Variants in IMMP2L observed in about 807,000 individuals in gnomAD.
IMMP2L encodes the protein mitochondrial inner membrane protease subunit 2.
IMMP2L carries 18 observed loss-of-function variants against 19.3 expected under a neutral mutation model. That is an observed-to-expected ratio of 0.93 (90% confidence interval 0.64 to 1.38). IMMP2L has a LOEUF of 1.38. IMMP2L is among the 40% of genes most tolerant of loss of function. The pLI, the probability that IMMP2L is intolerant of heterozygous loss-of-function variation, is 0.00. For synonymous variants in IMMP2L, 76 were observed against 73.0 expected (o/e 1.04, Z -0.21); for missense variants, 233 against 218.2 (o/e 1.07, Z -0.43).
intron 5 of IMMP2L, among the ~76,000 whole-genome samples, chr7:110,834,676 G>A (rs887987322): frequency 2.0e-4 from 30 of 152,240 alleles, no homozygotes; most frequent in African/African-American, 6.7e-4. Flanking sequence ...CTCTTGAGTT[G>A]CAAACAGTTT....
intron 3 of IMMP2L, among the ~76,000 whole-genome samples, chr7:111,255,642 G>T (rs1816615492): frequency 6.6e-6 from 1 of 151,942 alleles, no homozygotes; most frequent in Non-Finnish European, 1.5e-5. Context: ...TACAGAAGAG[G>T]AAAATGAAGT....
At chr7:111,095,658 C>A (rs887534692) in intron 3 of IMMP2L, among the ~76,000 whole-genome samples, 3 of 151,972 alleles carry the variant, frequency 2.0e-5, no homozygotes, top group Non-Finnish European at 4.4e-5. Flanking sequence ...ATACTGCTAT[C>A]CTTCACCTAC....
At chr7:111,301,446 C>G (rs749303682) in intron 3 of IMMP2L, among the ~76,000 whole-genome samples, 1 of 151,542 alleles carries the variant, frequency 6.6e-6, no homozygotes, top group Non-Finnish European at 1.5e-5. Flanking sequence ...TAACAAGAGT[C>G]TTACACAGAA....
intron 3 of IMMP2L, among the ~76,000 whole-genome samples, chr7:110,994,955 T>G (rs867062176): frequency 1.3e-5 from 2 of 152,114 alleles, no homozygotes; most frequent in African/African-American, 4.8e-5. Flanking sequence ...GTTCTGGACC[T>G]AGTAAGAAAA....
intron 3 of IMMP2L, among the ~76,000 whole-genome samples, chr7:111,202,510 T>C (rs1810253738): frequency 1.3e-5 from 2 of 152,194 alleles, no homozygotes; most frequent in Admixed American, 6.5e-5. Context: ...GTCCTCACAG[T>C]TAGTTTCACT....
chr7:110,832,225 C>A (rs1053843158), intron 5 of IMMP2L, among the ~76,000 whole-genome samples: 1 of 152,126 alleles, frequency 6.6e-6, no homozygotes, highest in African/African-American at 2.4e-5. Flanking sequence ...TGCACCACTG[C>A]ACTCCAGCCT....
At chr7:111,018,179 A>G (rs1332656095) in intron 3 of IMMP2L, among the ~76,000 whole-genome samples, 1 of 152,134 alleles carries the variant, frequency 6.6e-6, no homozygotes, top group East Asian at 1.9e-4. Flanking sequence ...TCCTATACAT[A>G]TATTGTTCTG....
intron 5 of IMMP2L, among the ~76,000 whole-genome samples, chr7:110,775,263 G>C (rs1356316264): frequency 1.3e-5 from 2 of 150,902 alleles, no homozygotes. Flanking sequence ...GTGTGTGTGT[G>C]TGTGTGTGTG....
intron 3 of IMMP2L, among the ~76,000 whole-genome samples, chr7:111,005,575 A>C (rs970837520): frequency 2.6e-5 from 4 of 152,168 alleles, no homozygotes; most frequent in African/African-American, 9.7e-5. Flanking sequence ...CATCTGCCTC[A>C]ATTAAGCAGA....
At chr7:111,096,605 C>T (rs1231385868) in intron 3 of IMMP2L, among the ~76,000 whole-genome samples, 1 of 151,182 alleles carries the variant, frequency 6.6e-6, no homozygotes, top group Non-Finnish European at 1.5e-5. Flanking sequence ...GTTTGTCTGA[C>T]AGCATTAGCA....
rs950367533 is a variant in IMMP2L, at chr7:111,109,429, A to G, written c.240-145864T>C. ...AGAAGACAAGTCAGCACACAAGTATAGGCTTACTCAGTGAGTAAGACATAG... is the reference window on the plus strand; with the variant it reads ...AGAAGACAAGTCAGCACACAAGTATGGGCTTACTCAGTGAGTAAGACATAG... On this transcript the variant is annotated intron_variant, in intron 3 of 5. Coordinates refer to ENST00000405709, the MANE Select transcript of IMMP2L (RefSeq NM_032549.4). Among the ~76,000 whole-genome samples the G allele has an allele frequency of 4.6e-5, 7 of 152,316 alleles. No homozygotes were observed. In the East Asian group the frequency reaches 1.4e-3, roughly 29 times the overall value.
At chr7:111,318,021 A>C (rs1824289960) in intron 3 of IMMP2L, among the ~76,000 whole-genome samples, 1 of 152,172 alleles carries the variant, frequency 6.6e-6, no homozygotes, top group South Asian at 2.1e-4. Flanking sequence ...ATGGTAAATA[A>C]ATATTAACAG....
chr7:111,380,852 A>C (rs1457732471), intron 3 of IMMP2L, among the ~76,000 whole-genome samples: 1 of 151,994 alleles, frequency 6.6e-6, no homozygotes, highest in Non-Finnish European at 1.5e-5. Flanking sequence ...TAACCTTAGA[A>C]TACAATTTAA....
chr7:111,042,380 A>G (rs1387651825), intron 3 of IMMP2L, among the ~76,000 whole-genome samples: 3 of 152,164 alleles, frequency 2.0e-5, no homozygotes, highest in Non-Finnish European at 4.4e-5. Context: ...GGGTTTCACC[A>G]TGTTTGGCCA....
intron 1 of IMMP2L, among the ~76,000 whole-genome samples, chr7:111,538,813 A>AT (rs1291723978): frequency 3.7e-4 from 45 of 120,812 alleles, no homozygotes; most frequent in Non-Finnish European, 6.8e-4. Flanking sequence ...ACCCTGGCTC[A>AT]TTTAAAAAAA....
intron 3 of IMMP2L, among the ~76,000 whole-genome samples, chr7:111,068,772 C>A (rs1344743299): frequency 1.3e-5 from 2 of 152,020 alleles, no homozygotes; most frequent in African/African-American, 4.8e-5. Flanking sequence ...ATTAATAGAC[C>A]CTGTCTAGTC....
At chr7:111,423,416 ATTCAACTTC>A (rs1835774902) in intron 3 of IMMP2L, among the ~76,000 whole-genome samples, 1 of 151,720 alleles carries the variant, frequency 6.6e-6, no homozygotes, top group African/African-American at 2.4e-5. Context: ...CTATTTAGAG[ATTCAACTTC>A]TTCCTGGTTT....
intron 2 of IMMP2L, among the ~76,000 whole-genome samples, chr7:111,504,779 C>T (rs909155368): frequency 2.0e-5 from 3 of 152,106 alleles, no homozygotes; most frequent in African/African-American, 4.8e-5. Context: ...GTGTAGAAAG[C>T]TGAAACTGGA....
At chr7:111,390,765 C>T (rs904831993) in intron 3 of IMMP2L, 4 of 151,994 alleles carry the variant, frequency 2.6e-5, no homozygotes, top group Admixed American at 6.6e-5. Context: ...TGTGAATTTC[C>T]GACTTAGCAA....
Sources: gnomAD v4.1 joint callset for allele counts (sites outside exome capture counted in the v4.1 genomes callset) on GRCh38, gnomAD v4.1.1 for gene constraint, MANE v1.5 for transcripts, NCBI Gene and HGNC (gene_info 2026-07-23, HGNC 2026-07-21) for gene names.